The following VPS8 variants were observed in gnomAD, a reference collection of about 807,000 sequenced individuals.
VPS8 encodes vacuolar protein sorting-associated protein 8 homolog.
In VPS8, 129 loss-of-function variants were observed where a neutral mutation model predicts 216.4. That is an observed-to-expected ratio of 0.60 (90% CI 0.52 to 0.69). VPS8 has a LOEUF of 0.69. Among genes scored for constraint, VPS8 ranks in the 30% least tolerant of loss-of-function variants. VPS8 has a pLI of 0.00. For missense variants in VPS8, 1,531 were observed against 1,683.5 expected, an observed-to-expected ratio of 0.91 and a Z score of 1.59; for synonymous variants, 571 against 565.4, an observed-to-expected ratio of 1.01 and a Z score of -0.14.
intron 22 of VPS8, among the ~76,000 whole-genome samples, chr3:184,887,286 G>GCA (rs1169463367): frequency 6.6e-6 from 1 of 152,126 alleles, no homozygotes; most frequent in Non-Finnish European, 1.5e-5. Flanking sequence ...AGTCAAGGCT[G>GCA]CAGCAAGCCA....
chr3:184,999,684 T>G lies in VPS8; in HGVS notation c.3837-12T>G, dbSNP rs989993976. On this transcript the variant is annotated splice_polypyrimidine_tract_variant and intron_variant, in intron 44 of 47. Transcript: ENST00000625842. Reference sequence around the variant, plus strand: ...TAATAAAAAGTACAAATTGGTTGCCTTCGTTTTGCAGCTGTGGCCATTTGT... The same window carrying G: ...TAATAAAAAGTACAAATTGGTTGCCGTCGTTTTGCAGCTGTGGCCATTTGT... 6.3e-7 allele frequency: 1 copy of G among 1,596,942 alleles called. No individual in the cohort carries two copies. The highest frequency in any genetic ancestry group is 1.4e-5 in the African/African-American group (1 of 73,932).
chr3:184,895,927 C>G (rs1220414513), intron 23 of VPS8, among the ~76,000 whole-genome samples: 2 of 151,702 alleles, frequency 1.3e-5, no homozygotes, highest in East Asian at 4.0e-4. Flanking sequence ...AGCCACTGAG[C>G]CTGGCCCACA....
intron 31 of VPS8, among the ~76,000 whole-genome samples, chr3:184,928,116 A>G (rs1740010017): frequency 6.6e-6 from 1 of 152,236 alleles, no homozygotes; most frequent in Admixed American, 6.5e-5. Context: ...AAGACATAAA[A>G]GTGAGATAAA....
intron 45 of VPS8, among the ~76,000 whole-genome samples, chr3:185,005,165 T>G (rs1754068473): frequency 6.6e-6 from 1 of 152,212 alleles, no homozygotes; most frequent in South Asian, 2.1e-4. Context: ...GTATGCTTTG[T>G]CAAAGATCAG....
At chr3:184,991,835 G>A (rs1420626393) in intron 42 of VPS8, among the ~76,000 whole-genome samples, 1 of 152,170 alleles carries the variant, frequency 6.6e-6, no homozygotes, top group Non-Finnish European at 1.5e-5. Flanking sequence ...GGACTAGTCT[G>A]AAATATCTGT....
At chr3:184,883,374 G>A (rs1303390690) in intron 21 of VPS8, among the ~76,000 whole-genome samples, 1 of 152,152 alleles carries the variant, frequency 6.6e-6, no homozygotes, top group Non-Finnish European at 1.5e-5. Flanking sequence ...CAACATCAAA[G>A]TGAAGGTGTT....
At chr3:185,034,329 C>G (rs1292054878) in intron 46 of VPS8, among the ~76,000 whole-genome samples, 1 of 152,018 alleles carries the variant, frequency 6.6e-6, no homozygotes, top group Non-Finnish European at 1.5e-5. Context: ...TGAGTAATAG[C>G]CATCCTGATG....
In VPS8 at chr3:184,930,489, T is replaced by C; in HGVS notation, c.2819T>C (p.Ile940Thr). Residue 940 changes from isoleucine to threonine, a missense_variant, in exon 34 of 48, where the codon ATT (isoleucine) becomes ACT (threonine). By Grantham distance (89) the Ile-to-Thr change is moderately conservative. Coordinates refer to ENST00000625842, the MANE Select transcript of VPS8 (RefSeq NM_001009921.3). ...CTTCAGGAAGAAGTCTTTAATTACATTCACAATATCTTATCCATTCCCGGA... is the reference window on the plus strand; with the variant it reads ...CTTCAGGAAGAAGTCTTTAATTACACTCACAATATCTTATCCATTCCCGGA... ...PLREEEVFNYIHNILSIPGHS... is the reference protein window; with the variant it reads ...PLREEEVFNYTHNILSIPGHS... 6.2e-7 allele frequency: 1 copy of C among 1,612,656 alleles called. No individual in the cohort carries two copies. Among genetic ancestry groups the C allele is most frequent in the Non-Finnish European group, 8.5e-7 (1 of 1,178,824 alleles).
intron 21 of VPS8, among the ~76,000 whole-genome samples, chr3:184,873,517 T>C (rs1190272359): frequency 6.6e-6 from 1 of 152,158 alleles, no homozygotes. Flanking sequence ...TTCACATTTG[T>C]AAATGATGCC....
chr3:184,904,808 A>G (rs1438607010), intron 25 of VPS8, among the ~76,000 whole-genome samples: 1 of 152,208 alleles, frequency 6.6e-6, no homozygotes, highest in Non-Finnish European at 1.5e-5. Context: ...GACAGAATTC[A>G]CTATGAAGCC....
intron 1 of VPS8, among the ~76,000 whole-genome samples, chr3:184,816,851 C>T (rs16859317): frequency 0.1 from 15,155 of 152,068 alleles, 1,913 homozygotes; most frequent in African/African-American, 0.3. Flanking sequence ...TATTCTGTGC[C>T]CACTGTGAAG....
chr3:185,050,233 G>A (rs1391302147), intron 47 of VPS8, among the ~76,000 whole-genome samples: 1 of 151,488 alleles, frequency 6.6e-6, no homozygotes, highest in Non-Finnish European at 1.5e-5. Context: ...GTACATAACA[G>A]TCATTGCAGA....
chr3:184,840,007 C>A, intron 7 of VPS8: 1 of 864,046 alleles, frequency 1.2e-6, no homozygotes, highest in Non-Finnish European at 1.5e-6. Flanking sequence ...CAAACCTAGA[C>A]AAAAAGAATA....
chr3:184,882,819 A>T (rs968864572), intron 21 of VPS8, among the ~76,000 whole-genome samples: 1 of 152,068 alleles, frequency 6.6e-6, no homozygotes, highest in Non-Finnish European at 1.5e-5. Context: ...GGTGCACTTC[A>T]TGTAAATTGT....
intron 46 of VPS8, among the ~76,000 whole-genome samples, chr3:185,036,724 A>C (rs1296405979): frequency 6.6e-6 from 1 of 151,744 alleles, no homozygotes; most frequent in African/African-American, 2.4e-5. Flanking sequence ...GTGGTATTGC[A>C]CATACCACAA....
At chr3:184,901,236 A>G in intron 25 of VPS8, 1 of 387,936 alleles carries the variant, frequency 2.6e-6, no homozygotes, top group Non-Finnish European at 4.6e-6. Context: ...CTTCATGTAA[A>G]TGGAATTATG....
At chr3:185,034,285 G>A (rs1758570750) in intron 46 of VPS8, among the ~76,000 whole-genome samples, 1 of 152,112 alleles carries the variant, frequency 6.6e-6, no homozygotes, top group Non-Finnish European at 1.5e-5. Context: ...TACCATTGAT[G>A]GACATTTGGG....
chr3:185,029,495 C>T (rs1757814831), intron 46 of VPS8, among the ~76,000 whole-genome samples: 1 of 151,896 alleles, frequency 6.6e-6, no homozygotes, highest in South Asian at 2.1e-4. Flanking sequence ...ATGTAGGAGT[C>T]ACTCTTTAGA....
chr3:184,936,460 T>C (rs763709348), intron 35 of VPS8, 125 bp downstream of exon 35: 64 of 919,960 alleles, frequency 7.0e-5, no homozygotes, highest in Non-Finnish European at 9.7e-5. Flanking sequence ...TTCTATTAGG[T>C]TGGTGCAAAA....
Sources: allele counts gnomAD v4.1 joint callset (sites outside exome capture counted in the v4.1 genomes callset), GRCh38; gene constraint gnomAD v4.1.1; transcripts MANE v1.5; gene names NCBI Gene and HGNC (gene_info 2026-07-23, HGNC 2026-07-21).